Variants in MTMR2 observed in about 807,000 individuals in gnomAD.
MTMR2 encodes the protein myotubularin related protein 2, also known as phosphatidylinositol-3,5-bisphosphate 3-phosphatase MTMR2.
A neutral mutation model predicts 86.9 loss-of-function variants in MTMR2; 55 were observed. That is an observed-to-expected ratio of 0.63 (90% CI 0.51 to 0.79). The LOEUF (loss-of-function observed/expected upper bound fraction) is 0.79. Among genes scored for constraint, MTMR2 ranks in the 30% least tolerant of loss-of-function variants. The pLI is 0.00. For synonymous variants in MTMR2, 241 were observed against 266.8 expected (o/e 0.90, Z 0.94); for missense variants, 659 against 772.3 (o/e 0.85, Z 1.74).
intron 5 of MTMR2, among the ~76,000 whole-genome samples, chr11:95,860,047 G>C (rs908997742): frequency 6.6e-6 from 1 of 152,146 alleles, no homozygotes; most frequent in African/African-American, 2.4e-5. Flanking sequence ...TCCATGGAAA[G>C]AAATTATATT....
At chr11:95,912,439 C>T (rs1240331844) in intron 1 of MTMR2, among the ~76,000 whole-genome samples, 1 of 151,374 alleles carries the variant, frequency 6.6e-6, no homozygotes, top group African/African-American at 2.4e-5. Flanking sequence ...AATCAATAGG[C>T]TATTTTAAAA....
chr11:95,893,964 G>T (rs1453395719), intron 1 of MTMR2, among the ~76,000 whole-genome samples: 1 of 152,060 alleles, frequency 6.6e-6, no homozygotes, highest in Non-Finnish European at 1.5e-5. Context: ...AATCTTCATT[G>T]ATTCCTCACT....
rs1864578038 is a variant in MTMR2 at position 95,865,481 on chromosome 11, A to C, written c.262+120T>G. ...AAGATGCTGAGAAGACTGCAGGTAAAGAGTTCTGCCAGACAGGAGGTGTCT... is the reference window on the plus strand; with the variant it reads ...AAGATGCTGAGAAGACTGCAGGTAACGAGTTCTGCCAGACAGGAGGTGTCT... On this transcript the variant is annotated intron_variant, in intron 3 of 14. Coordinates refer to ENST00000346299, the MANE Select transcript of MTMR2 (RefSeq NM_016156.6). The C allele has an allele frequency of 8.7e-6, 8 of 922,246 alleles. No individual in the cohort carries two copies. In the East Asian group the frequency reaches 1.9e-4, roughly 22 times the overall value. 57.1% of individuals were successfully genotyped at this position (922,246 alleles called of 1,614,324 possible). A position where few individuals can be genotyped will look rare whatever the true frequency, so the allele number is the denominator to read the frequency against.
At chr11:95,847,642 T>G in intron 10 of MTMR2, 72 bp downstream of exon 10, 1 of 1,363,354 alleles carries the variant, frequency 7.3e-7, no homozygotes, top group South Asian at 1.2e-5. Flanking sequence ...TGATTGCAAT[T>G]ATAAGTAAAA....
chr11:95,841,230 T>C (rs937408169), intron 12 of MTMR2, among the ~76,000 whole-genome samples: 5 of 139,192 alleles, frequency 3.6e-5, no homozygotes, highest in Non-Finnish European at 7.4e-5. Flanking sequence ...AAGAAGCAGA[T>C]TGAAATTCAA....
At chr11:95,895,207 A>G (rs981231893) in intron 1 of MTMR2, among the ~76,000 whole-genome samples, 1 of 151,768 alleles carries the variant, frequency 6.6e-6, no homozygotes, top group African/African-American at 2.4e-5. Flanking sequence ...TGACTAGAGG[A>G]AGCCAAGAAA....
intron 1 of MTMR2, among the ~76,000 whole-genome samples, chr11:95,894,726 C>A (rs1865823535): frequency 6.6e-6 from 1 of 151,984 alleles, no homozygotes; most frequent in African/African-American, 2.4e-5. Context: ...AAAAAGAACT[C>A]CAATTTGAAA....
In MTMR2 at chr11:95,847,269, C is replaced by CA. The variant is rs563489699; in HGVS notation, c.1179+444dup. 6.6e-5 allele frequency among the ~76,000 whole-genome samples: 10 copies of CA among 151,934 alleles called. No homozygotes were observed. In the East Asian group the frequency reaches 1.7e-3, roughly 26 times the overall value. On this transcript the variant is annotated intron_variant, in intron 10 of 14. Coordinates refer to ENST00000346299, the MANE Select transcript of MTMR2 (RefSeq NM_016156.6). The stretch of plus-strand genomic sequence containing the variant: ...AGTGCTGCCCTAGCTCCTGAGAGGA[C>CA]AAAAAAATATATGTAGGATTTATCC...
intron 7 of MTMR2, among the ~76,000 whole-genome samples, chr11:95,851,055 C>CTTTTTTTTTTTTTTTTTTTT (rs55809121): frequency 1.1e-5 from 1 of 93,396 alleles, no homozygotes; most frequent in African/African-American, 4.8e-5. Flanking sequence ...TCAAATATTC[C>CTTTTTTTTTTTTTTTTTTTT]TTTTTTTTTT....
chr11:95,854,817 T>C (rs1864150935), intron 7 of MTMR2, among the ~76,000 whole-genome samples: 1 of 151,542 alleles, frequency 6.6e-6, no homozygotes, highest in Non-Finnish European at 1.5e-5. Context: ...TTTTCCTTTT[T>C]GTTTTTTTTG....
At chr11:95,898,522 A>T (rs1284505450) in intron 1 of MTMR2, among the ~76,000 whole-genome samples, 1 of 152,030 alleles carries the variant, frequency 6.6e-6, no homozygotes, top group Non-Finnish European at 1.5e-5. Flanking sequence ...ACAAACACAC[A>T]CACACAAAAA....
chr11:95,889,917 T>C (rs1171216587), intron 1 of MTMR2, among the ~76,000 whole-genome samples: 1 of 152,230 alleles, frequency 6.6e-6, no homozygotes, highest in East Asian at 1.9e-4. Flanking sequence ...GTCTTCCTTA[T>C]ACCAGAATGC....
At position 95,850,706 on chromosome 11, in the gene MTMR2, C is replaced by A. The variant is rs758629389; in HGVS notation, c.698G>T (p.Arg233Leu). ...AGGGTATGTATCACAAAGTTCATAT[C>A]GTTCATTTATCTTTGTTATTCTCCA... ...ESWRITKINERYELCDTYPAL... is the reference protein window; with the variant it reads ...ESWRITKINELYELCDTYPAL... Residue 233 changes from arginine to leucine, a missense_variant, in exon 8 of 15, where the codon CGA (arginine) becomes CTA (leucine). Physicochemically the swap from Arg to Leu is moderately radical, Grantham distance 102. Transcript: ENST00000346299. 6.2e-7 allele frequency: 1 copy of A among 1,613,968 alleles called. No individual in the cohort carries two copies. The highest frequency in any genetic ancestry group is 8.5e-7 in the Non-Finnish European group (1 of 1,179,852).
Position 95,836,314 on chromosome 11 carries a change from T to C in MTMR2, c.1604A>G (p.Lys535Arg), listed in dbSNP as rs574241508. 3.0e-5 allele frequency: 48 copies of C among 1,612,670 alleles called. No homozygotes were observed. The South Asian group carries it at 5.3e-4, about 18-fold the overall frequency. The change falls in exon 14 of 15, where the codon AAA becomes AGA. Residue 535 changes from lysine (K) to arginine (R), a missense_variant. Physicochemically the swap from Lys to Arg is conservative, Grantham distance 26. Coordinates refer to ENST00000346299, the MANE Select transcript of MTMR2 (RefSeq NM_016156.6). ...EQQRGKENLP[K>R]RTVSLWSYIN... ...GTAAGACCACAGTGACACAGTCCTT[T>C]TAGGAAGATTCTGTAGGCAGGAAAA...
At position 95,833,197 on chromosome 11, in the gene MTMR2, A is replaced by G. The variant is rs551515172; in HGVS notation, c.*2093T>C. 6.6e-5 allele frequency: 10 copies of G among 152,308 alleles called. No homozygotes were observed. The South Asian group carries it at 1.5e-3, about 22-fold the overall frequency. The allele number at this position is 152,308 out of a possible 1,614,324, so 9.4% of individuals were successfully genotyped here. ...AGGAATCTGCAGATTACATGAGGCA[A>G]TTGTGAACAGCAGAGTAGCATTGGT... is the stretch of plus-strand genomic sequence containing the variant. On this transcript the variant is annotated 3_prime_UTR_variant, in exon 15 of 15. Transcript: ENST00000346299.
intron 2 of MTMR2, among the ~76,000 whole-genome samples, chr11:95,870,731 C>CTTTTT (rs1158293839): frequency 1.4e-4 from 18 of 129,946 alleles, no homozygotes; most frequent in East Asian, 2.1e-4. Flanking sequence ...TTCTTTTTTT[C>CTTTTT]TTTTTCTTTT....
rs190992090 is a variant in MTMR2, at chr11:95,908,709, T to A, written c.80+15166A>T. Among the ~76,000 whole-genome samples the A allele has an allele frequency of 1.2e-4, 19 of 152,232 alleles. No homozygotes were observed. The East Asian group carries it at 3.7e-3, about 29-fold the overall frequency. On this transcript the variant is annotated intron_variant, in intron 1 of 14. Transcript: ENST00000346299. ...ATGCTGCCTTCCTACAATCATCTGA[T>A]CTGACAAAGCTGACAAATGCAAGCA...
At position 95,867,816 on chromosome 11, in the gene MTMR2, GAA is replaced by G. The variant is rs34354215; in HGVS notation, c.187-2142_187-2141del. On this transcript the variant is annotated intron_variant, in intron 2 of 14. Transcript: ENST00000346299. ...AAGAGACTAGGAAAAAAAAGGCCTA[GAA>G]AAAAAAAAAAAAGACTTACAAAGAA... Among the ~76,000 whole-genome samples, 244 of 126,104 alleles carry G rather than the reference GAA, an allele frequency of 1.9e-3. 1 individual carries two copies. Among genetic ancestry groups the G allele is most frequent in the Middle Eastern group, 3.9e-3 (1 of 254 alleles). 82.7% of individuals were successfully genotyped at this position (126,104 alleles called of 152,430 possible).
intron 2 of MTMR2, among the ~76,000 whole-genome samples, chr11:95,874,872 T>A (rs1159065355): frequency 6.6e-6 from 1 of 152,180 alleles, no homozygotes; most frequent in African/African-American, 2.4e-5. Flanking sequence ...TTTGGCTGGA[T>A]ATGAAATTCT....
Sources: allele counts gnomAD v4.1 joint callset (sites outside exome capture counted in the v4.1 genomes callset), GRCh38; gene constraint gnomAD v4.1.1; transcripts MANE v1.5; gene names NCBI Gene and HGNC (gene_info 2026-07-23, HGNC 2026-07-21).